The following OAS3 variants were observed in gnomAD, a reference collection of about 807,000 sequenced individuals.
OAS3 encodes the protein 2'-5'-oligoadenylate synthase 3.
Under a neutral mutation model 113.0 loss-of-function variants are expected in OAS3, and 107 were observed. The observed-to-expected ratio is 0.95, with a 90% CI of 0.81 to 1.11. The LOEUF is 1.11. OAS3 is among the 50% of genes most tolerant of loss of function. The probability of loss-of-function intolerance (pLI) is 0.00; values close to 1 mark genes in which losing one functional copy is unlikely to be tolerated. For synonymous variants in OAS3, 552 were observed against 573.6 expected (o/e 0.96, Z 0.54); for missense variants, 1,258 against 1,389.1 (o/e 0.91, Z 1.50).
rs2043784868 is a variant in OAS3 at position 112,950,824 on chromosome 12, G to A, written c.1506G>A (p.Ala502=). ...RRAEILDEMR[A]QLESWWQDQV... ...CAGAGATCCTTGATGAGATGCGAGC[G>A]CAGCTAGAATCCTGGTGGCAGGACC... Residue 502 remains alanine, a synonymous_variant, in exon 7 of 16, where the codon GCG becomes GCA. Transcript: ENST00000228928. 10 of 1,614,020 alleles carry A rather than the reference G, an allele frequency of 6.2e-6. No individual in the cohort carries two copies. The highest frequency in any genetic ancestry group is 1.6e-4 in the Middle Eastern group (1 of 6,062).
chr12:112,963,578 C>A lies in OAS3; in HGVS notation c.2229+121C>A. ...AGTGTTGGTGGCTGACAACTCATAG[C>A]CACCCCTTCTCTGGAGACTTGCCTT... On this transcript the variant is annotated intron_variant, in intron 10 of 15. Transcript: ENST00000228928. The surrounding 1 kb of genome is among the most constrained non-coding windows in gnomAD (Gnocchi z 4.6). The A allele has an allele frequency of 1.0e-6, 1 of 982,670 alleles. No individual in the cohort carries two copies. The allele number at this position is 982,670 out of a possible 1,614,324, so 60.9% of individuals were successfully genotyped here. A position where few individuals can be genotyped will look rare whatever the true frequency, so the allele number is the denominator to read the frequency against.
chr12:112,967,843 AG>A, intron 13 of OAS3, 92 bp from the exon 14 acceptor site: 1 of 1,427,644 alleles, frequency 7.0e-7, no homozygotes, highest in Non-Finnish European at 9.4e-7. Flanking sequence ...GCTCAATAAA[AG>A]TTTTGGGGTT....
intron 7 of OAS3, among the ~76,000 whole-genome samples, chr12:112,951,897 A>G (rs1394041390): frequency 6.6e-6 from 1 of 151,010 alleles, no homozygotes. Flanking sequence ...CTGTAATCCC[A>G]GCTACTCGGG....
Position 112,946,998 on chromosome 12 carries a change from C to G in OAS3, c.875+17C>G, listed in dbSNP as rs770661084. Reference sequence around the variant, plus strand: ...GAGACCCAGGTACTTCCTAATAGCCCACCATCTGCTCTCCTGTCCCGGGGC... The same window carrying G: ...GAGACCCAGGTACTTCCTAATAGCCGACCATCTGCTCTCCTGTCCCGGGGC... On this transcript the variant is annotated intron_variant, in intron 4 of 15. Transcript: ENST00000228928. The G allele has an allele frequency of 6.3e-7, 1 of 1,598,314 alleles. No homozygotes were observed. Among genetic ancestry groups the G allele is most frequent in the East Asian group, 2.2e-5 (1 of 44,788 alleles).
Position 112,970,801 on chromosome 12 carries a change from C to T in OAS3, c.*828C>T, listed in dbSNP as rs1593188291. 1 of 152,238 alleles carries T rather than the reference C, an allele frequency of 6.6e-6. No individual in the cohort carries two copies. Among genetic ancestry groups the T allele is most frequent in the Admixed American group, 6.5e-5 (1 of 15,284 alleles). 9.4% of individuals were successfully genotyped at this position (152,238 alleles called of 1,614,324 possible). Reference sequence around the variant, plus strand: ...TTGTTGGACACCTAATTGGATGCCTCTTCATGAGAGGCCTCCTTTTCTTCA... The same window carrying T: ...TTGTTGGACACCTAATTGGATGCCTTTTCATGAGAGGCCTCCTTTTCTTCA... On this transcript the variant is annotated 3_prime_UTR_variant, in exon 16 of 16. Coordinates refer to ENST00000228928, the MANE Select transcript of OAS3 (RefSeq NM_006187.4).
chr12:112,939,916 A>T (rs939986978), intron 1 of OAS3, among the ~76,000 whole-genome samples: 4 of 151,918 alleles, frequency 2.6e-5, no homozygotes, highest in African/African-American at 9.7e-5. Context: ...TCAGCTTGGG[A>T]GGTGGGGAAG....
rs899472843 is a variant in OAS3 at position 112,973,115 on chromosome 12, C to T, written c.*3142C>T. The stretch of plus-strand genomic sequence containing the variant: ...AATAATTCCAGACATTTTCATCACC[C>T]TAAAAGGAAACCCTGAAACCCATTA... On this transcript the variant is annotated 3_prime_UTR_variant, in exon 16 of 16. Coordinates refer to ENST00000228928, the MANE Select transcript of OAS3 (RefSeq NM_006187.4). 3.3e-5 allele frequency: 5 copies of T among 152,090 alleles called. No individual in the cohort carries two copies. The highest frequency in any genetic ancestry group is 7.4e-5 in the Non-Finnish European group (5 of 68,018). The allele number at this position is 152,090 out of a possible 1,614,324, so 9.4% of individuals were successfully genotyped here.
rs867973469 is a variant in OAS3 at position 112,970,943 on chromosome 12, C to A, written c.*970C>A. ...TCCTAACATGCTGAGATTCTGCATC[C>A]CCACAGCCTAAACTGAGCCAGTGGC... On this transcript the variant is annotated 3_prime_UTR_variant, in exon 16 of 16. Transcript: ENST00000228928. The A allele has an allele frequency of 2.0e-5, 3 of 152,308 alleles. No individual in the cohort carries two copies. The highest frequency in any genetic ancestry group is 2.9e-5 in the Non-Finnish European group (2 of 68,056). 9.4% of individuals were successfully genotyped at this position (152,308 alleles called of 1,614,324 possible).
chr12:112,963,044 G>A lies in OAS3; in HGVS notation c.2084+142G>A. ...CACTCTGCTTCCCTCTGGACTCTTT[G>A]CTGAGGAAGTGTGGACATAAGGAGT... is the stretch of plus-strand genomic sequence containing the variant. On this transcript the variant is annotated intron_variant, in intron 9 of 15. Coordinates refer to ENST00000228928, the MANE Select transcript of OAS3 (RefSeq NM_006187.4). The surrounding 1 kb of genome is among the most constrained non-coding windows in gnomAD (Gnocchi z 4.6). 1 of 1,291,792 alleles carries A rather than the reference G, an allele frequency of 7.7e-7. No homozygotes were observed. The highest frequency in any genetic ancestry group is 1.1e-6 in the Non-Finnish European group (1 of 926,972). 80.0% of individuals were successfully genotyped at this position (1,291,792 alleles called of 1,614,324 possible).
chr12:112,969,871 C>A (rs1378587554), intron 15 of OAS3, 91 bp from the exon 16 acceptor site: 2 of 1,585,006 alleles, frequency 1.3e-6, no homozygotes, highest in African/African-American at 2.7e-5. Flanking sequence ...CCCAGGTATG[C>A]CCCTGTGCTT....
Position 112,967,318 on chromosome 12 carries a change from A to G in OAS3, c.2690-100A>G, listed in dbSNP as rs897470588. ...AGTGGATCCCAGACCACCCTTAGGA[A>G]AACACCCAAGAGGTAGGAGATCTCA... On this transcript the variant is annotated intron_variant, in intron 12 of 15. Coordinates refer to ENST00000228928, the MANE Select transcript of OAS3 (RefSeq NM_006187.4). The G allele has an allele frequency of 1.1e-5, 13 of 1,207,420 alleles. No homozygotes were observed. The Admixed American group carries it at 2.1e-4, about 19-fold the overall frequency. The allele number at this position is 1,207,420 out of a possible 1,614,324, so 74.8% of individuals were successfully genotyped here. A position where few individuals can be genotyped will look rare whatever the true frequency, so the allele number is the denominator to read the frequency against.
Position 112,950,678 on chromosome 12 carries a change from T to C in OAS3, c.1375-15T>C. On this transcript the variant is annotated splice_polypyrimidine_tract_variant and intron_variant, in intron 6 of 15. Coordinates refer to ENST00000228928, the MANE Select transcript of OAS3 (RefSeq NM_006187.4). ...CCTAGAGGGTCCCTGATCTGAGCTG[T>C]TCTTCCCTCCACAGGGGGGCTCATT... 1.2e-6 allele frequency: 2 copies of C among 1,613,610 alleles called. No individual in the cohort carries two copies. The highest frequency in any genetic ancestry group is 1.7e-6 in the Non-Finnish European group (2 of 1,179,626).
At chr12:112,938,738 C>CCAAAGGG (rs3038120) in intron 1 of OAS3, 31 bp downstream of exon 1, 960,915 of 1,456,220 alleles carry the variant, frequency 0.66, 324,149 homozygotes, top group African/African-American at 0.94. Flanking sequence ...CTTTATGTGT[C>CCAAAGGG]CAAAGGGGAG....
rs563617658 is a variant in OAS3, at chr12:112,971,742, C to G, written c.*1769C>G. 6.6e-6 allele frequency: 1 copy of G among 152,252 alleles called. No homozygotes were observed. Among genetic ancestry groups the G allele is most frequent in the East Asian group, 1.9e-4 (1 of 5,202 alleles). 9.4% of individuals were successfully genotyped at this position (152,252 alleles called of 1,614,324 possible). On this transcript the variant is annotated 3_prime_UTR_variant, in exon 16 of 16. Transcript: ENST00000228928. ...AGGTGAGCAACCAAGGGAAGCTCCT[C>G]TGATTCACCTAGAACCTGTTCTCTG...
At position 112,970,242 on chromosome 12, in the gene OAS3, T is replaced by G. The variant is rs1593188002; in HGVS notation, c.*269T>G. The G allele has an allele frequency of 3.6e-6, 2 of 557,648 alleles. No individual in the cohort carries two copies. Among genetic ancestry groups the G allele is most frequent in the East Asian group, 6.2e-5 (2 of 32,330 alleles). 34.5% of individuals were successfully genotyped at this position (557,648 alleles called of 1,614,324 possible). ...CCTGCGTTTGCAGCTTCTCTGTCAC[T>G]TCCATGACTCTATCCTCATACCACC... is the stretch of plus-strand genomic sequence containing the variant. On this transcript the variant is annotated 3_prime_UTR_variant, in exon 16 of 16. Transcript: ENST00000228928.
At chr12:112,968,196 TC>T (rs1381779651) in intron 14 of OAS3, 22 bp downstream of exon 14, 1 of 1,595,240 alleles carries the variant, frequency 6.3e-7, no homozygotes, top group South Asian at 1.1e-5. Context: ...CCCCCAATGT[TC>T]CAGAATTTCA....
Position 112,954,548 on chromosome 12 carries a change from G to A in OAS3, c.1657+3573G>A, listed in dbSNP as rs1263531000. The stretch of plus-strand genomic sequence containing the variant: ...CCCGACCTCGTGATCCACCCACCTC[G>A]GCCTCCCAAAGTGCTGGGATTACAG... On this transcript the variant is annotated intron_variant, in intron 7 of 15. Transcript: ENST00000228928. This position sits in a 1 kb window ranked among gnomAD's most constrained non-coding sequence, Gnocchi z 4.0. Among the ~76,000 whole-genome samples, 2 of 152,052 alleles carry A rather than the reference G, an allele frequency of 1.3e-5. No homozygotes were observed. The highest frequency in any genetic ancestry group is 6.6e-5 in the Admixed American group (1 of 15,266).
At chr12:112,969,933 T>C (rs2043969255) in intron 15 of OAS3, 29 bp from the exon 16 acceptor site, 2 of 1,605,866 alleles carry the variant, frequency 1.2e-6, no homozygotes, top group African/African-American at 2.7e-5. Context: ...AGAATGGGGT[T>C]ACCAACATCT....
At position 112,958,426 on chromosome 12, in the gene OAS3, T is replaced by A. The variant is rs891686902; in HGVS notation, c.1658-2645T>A. Among the ~76,000 whole-genome samples, 10 of 152,248 alleles carry A rather than the reference T, an allele frequency of 6.6e-5. 1 individual carries two copies. ...TTTGGAGGAGAAGAGGCGCTCTGAT[T>A]TTTAGAATTTTCAGCTTTTCTGCTC... On this transcript the variant is annotated intron_variant, in intron 7 of 15. Transcript: ENST00000228928.
Sources: gnomAD v4.1 joint callset for allele counts (sites outside exome capture counted in the v4.1 genomes callset) on GRCh38, gnomAD v4.1.1 for gene constraint, Gnocchi (gnomAD v3.1) non-coding constraint, MANE v1.5 for transcripts, NCBI Gene and HGNC (gene_info 2026-07-23, HGNC 2026-07-21) for gene names.